The following NRXN3 variants were observed in gnomAD, a reference collection of about 807,000 sequenced individuals.
The protein encoded by NRXN3 is neurexin III.
NRXN3 carries 32 observed loss-of-function variants against 137.6 expected under a neutral mutation model. That is an observed-to-expected ratio of 0.23 (90% CI 0.18 to 0.31). NRXN3 has a LOEUF of 0.31. Among genes scored for constraint, NRXN3 ranks in the 10% least tolerant of loss-of-function variants. The pLI, the probability that NRXN3 is intolerant of heterozygous loss-of-function variation, is 1.00. For synonymous variants in NRXN3, 798 were observed against 784.5 expected (o/e 1.02, Z -0.29); for missense variants, 1,574 against 2,062.5 (o/e 0.76, Z 4.59).
intron 16 of NRXN3, among the ~76,000 whole-genome samples, chr14:79,527,972 C>G (rs924843244): frequency 2.0e-5 from 3 of 151,614 alleles, no homozygotes; most frequent in African/African-American, 4.8e-5. Context: ...CCCAGGCAAG[C>G]ATTTATTTCT....
chr14:78,717,363 T>C (rs538567079), intron 8 of NRXN3, among the ~76,000 whole-genome samples: 1 of 151,952 alleles, frequency 6.6e-6, no homozygotes, highest in East Asian at 1.9e-4. Context: ...GGGACAATTA[T>C]TCTTGGTGCA....
intron 19 of NRXN3, among the ~76,000 whole-genome samples, chr14:79,739,648 C>CAA (rs72347811): frequency 0.16 from 5,154 of 31,756 alleles, 1,312 homozygotes; most frequent in Non-Finnish European, 0.18. Context: ...GACTCTGCCT[C>CAA]AAAAAAAAAA....
intron 16 of NRXN3, among the ~76,000 whole-genome samples, chr14:79,638,760 G>A (rs1220342588): frequency 6.6e-6 from 1 of 152,206 alleles, no homozygotes; most frequent in Non-Finnish European, 1.5e-5. Context: ...AGTTTGGATT[G>A]GGGAACAGAC....
chr14:79,124,100 G>A (rs1300770278), intron 15 of NRXN3, among the ~76,000 whole-genome samples: 1 of 152,068 alleles, frequency 6.6e-6, no homozygotes, highest in Non-Finnish European at 1.5e-5. Context: ...TGTAGGTCTG[G>A]GGGCTTTTCT....
chr14:78,394,732 A>G (rs1283817724), intron 4 of NRXN3, among the ~76,000 whole-genome samples: 4 of 151,876 alleles, frequency 2.6e-5, no homozygotes, highest in Admixed American at 1.3e-4. Flanking sequence ...TTATAGATTT[A>G]ATTTCCTTAA....
intron 10 of NRXN3, among the ~76,000 whole-genome samples, chr14:78,917,970 AT>A (rs1370512502): frequency 1.4e-5 from 2 of 141,632 alleles, no homozygotes; most frequent in African/African-American, 2.8e-5. Context: ...AATAAAAAAA[AT>A]AAAAAAATAA....
At chr14:78,269,077 C>T (rs1024625975) in intron 2 of NRXN3, among the ~76,000 whole-genome samples, 5 of 152,166 alleles carry the variant, frequency 3.3e-5, no homozygotes, top group Non-Finnish European at 1.5e-5. Flanking sequence ...TCAAACCTCA[C>T]AGCAACCTGG....
chr14:78,820,337 GAA>G (rs2098947137), intron 10 of NRXN3, among the ~76,000 whole-genome samples: 1 of 144,342 alleles, frequency 6.9e-6, no homozygotes, highest in African/African-American at 2.5e-5. Context: ...GCCACAAAAT[GAA>G]AGTCTGTTTA....
chr14:79,321,152 A>G (rs577702327), intron 15 of NRXN3, among the ~76,000 whole-genome samples: 2 of 152,092 alleles, frequency 1.3e-5, no homozygotes, highest in African/African-American at 2.4e-5. Flanking sequence ...ATTGCTTAGT[A>G]TTGTTTATAT....
intron 4 of NRXN3, among the ~76,000 whole-genome samples, chr14:78,474,743 G>A (rs2095348904): frequency 6.6e-6 from 1 of 152,234 alleles, no homozygotes; most frequent in Admixed American, 6.5e-5. Context: ...GAAAGGCAGA[G>A]AGGGGATAGG....
At chr14:78,486,493 C>A (rs1352235720) in intron 4 of NRXN3, among the ~76,000 whole-genome samples, 1 of 152,104 alleles carries the variant, frequency 6.6e-6, no homozygotes, top group Non-Finnish European at 1.5e-5. Flanking sequence ...GGAAATACTT[C>A]TTCCTGGAGA....
chr14:79,522,908 T>C (rs1032110381), intron 16 of NRXN3, among the ~76,000 whole-genome samples: 1 of 152,184 alleles, frequency 6.6e-6, no homozygotes, highest in Non-Finnish European at 1.5e-5. Flanking sequence ...AAATAGGTCT[T>C]TACAGGCAAA....
At chr14:79,643,180 C>T (rs1050234092) in intron 16 of NRXN3, among the ~76,000 whole-genome samples, 5 of 136,040 alleles carry the variant, frequency 3.7e-5, no homozygotes, top group African/African-American at 1.2e-4. Context: ...AGTCCCAACT[C>T]ACTAAATCTC....
At chr14:79,786,157 C>A (rs2099128801) in intron 19 of NRXN3, among the ~76,000 whole-genome samples, 1 of 152,100 alleles carries the variant, frequency 6.6e-6, no homozygotes, top group Non-Finnish European at 1.5e-5. Flanking sequence ...ATTGTTATAA[C>A]CAATGTGACA....
chr14:79,710,731 C>T (rs942437136), intron 19 of NRXN3, among the ~76,000 whole-genome samples: 5 of 152,202 alleles, frequency 3.3e-5, no homozygotes, highest in African/African-American at 1.2e-4. Flanking sequence ...CTAGTATGGG[C>T]TAAGTACTGT....
rs531980677 is a variant in NRXN3, at chr14:78,307,090, T to C, written c.757+9230T>C. ...GAATCAGAAAAGAAAATGTGCTTTG[T>C]GTGTGAACACATAGGGAATTTTTTA... On this transcript the variant is annotated intron_variant, in intron 4 of 20. Transcript: ENST00000335750. Among the ~76,000 whole-genome samples the C allele has an allele frequency of 7.3e-4, 111 of 152,312 alleles. 2 individuals carry two copies. The South Asian group carries it at 0.023, about 31-fold the overall frequency.
At position 78,239,633 on chromosome 14, in the gene NRXN3, T is replaced by C. The variant is rs192151621; in HGVS notation, c.-703-2758T>C. Among the ~76,000 whole-genome samples the C allele has an allele frequency of 3.4e-4, 52 of 152,334 alleles. 1 individual carries two copies. The Middle Eastern group carries it at 0.01, about 30-fold the overall frequency. Reference sequence around the variant, plus strand: ...GCCTCAGTTCTTTTACATTGACTATTATTTCTGGAACATTCTTCCCAGATA... The same window carrying C: ...GCCTCAGTTCTTTTACATTGACTATCATTTCTGGAACATTCTTCCCAGATA... On this transcript the variant is annotated intron_variant, in intron 1 of 20. Transcript: ENST00000335750.
intron 12 of NRXN3, among the ~76,000 whole-genome samples, chr14:78,966,997 G>A (rs2099418805): frequency 2.0e-5 from 3 of 152,166 alleles, no homozygotes; most frequent in Admixed American, 2.0e-4. Flanking sequence ...TAGTGTTAAT[G>A]AAGTGGACTC....
At chr14:79,561,007 G>A (rs2097490525) in intron 16 of NRXN3, among the ~76,000 whole-genome samples, 1 of 152,166 alleles carries the variant, frequency 6.6e-6, no homozygotes, top group Non-Finnish European at 1.5e-5. Context: ...TCCCACTGCA[G>A]AGACTGTATT....
Sources: gnomAD v4.1 joint callset for allele counts (sites outside exome capture counted in the v4.1 genomes callset) on GRCh38, gnomAD v4.1.1 for gene constraint, MANE v1.5 for transcripts, NCBI Gene and HGNC (gene_info 2026-07-23, HGNC 2026-07-21) for gene names.